The following NPAS3 variants were observed in gnomAD, a reference collection of about 807,000 sequenced individuals.
NPAS3 encodes the protein neuronal PAS domain protein 3, also known as neuronal PAS domain-containing protein 3.
NPAS3 carries 14 observed loss-of-function variants against 73.1 expected under a neutral mutation model. The ratio of observed to expected loss-of-function variants is 0.19; its 90% CI spans 0.13 to 0.30. The LOEUF (loss-of-function observed/expected upper bound fraction) is 0.30, where lower values mean the gene tolerates loss of function less well. Among genes scored for constraint, NPAS3 ranks in the 10% least tolerant of loss-of-function variants. The probability of loss-of-function intolerance (pLI) is 1.00; values close to 1 mark genes in which losing one functional copy is unlikely to be tolerated. For missense variants in NPAS3, 1,096 were observed against 1,250.0 expected (o/e 0.88, Z 1.86); for synonymous variants, 620 against 541.5 (o/e 1.14, Z -2.01).
intron 2 of NPAS3, among the ~76,000 whole-genome samples, chr14:33,073,441 A>G (rs1365661590): frequency 6.6e-6 from 1 of 152,150 alleles, no homozygotes; most frequent in Non-Finnish European, 1.5e-5. Context: ...GGGCAAGGAG[A>G]TAGAGGGTGG....
intron 2 of NPAS3, among the ~76,000 whole-genome samples, chr14:33,084,705 C>A (rs113400649): frequency 3.9e-5 from 6 of 151,988 alleles, no homozygotes; most frequent in Non-Finnish European, 7.4e-5. Flanking sequence ...GAGGGGAGAC[C>A]CTTGAGGTTA....
At chr14:33,570,654 C>T (rs1027333531) in intron 5 of NPAS3, among the ~76,000 whole-genome samples, 2 of 152,170 alleles carry the variant, frequency 1.3e-5, no homozygotes, top group East Asian at 1.9e-4. Context: ...TACTGGGACT[C>T]ATTCAGCTCT....
intron 2 of NPAS3, among the ~76,000 whole-genome samples, chr14:33,159,774 C>G (rs889517648): frequency 3.9e-5 from 6 of 152,058 alleles, no homozygotes; most frequent in African/African-American, 1.4e-4. Flanking sequence ...AGGATGGTCT[C>G]AATGTCCTGA....
chr14:33,074,351 T>C (rs2041585681), intron 2 of NPAS3, among the ~76,000 whole-genome samples: 1 of 152,240 alleles, frequency 6.6e-6, no homozygotes, highest in Non-Finnish European at 1.5e-5. Flanking sequence ...GAATGCTGCC[T>C]GTGCATTAAG....
At chr14:33,656,345 C>A (rs79723805) in intron 5 of NPAS3, among the ~76,000 whole-genome samples, 1 of 152,216 alleles carries the variant, frequency 6.6e-6, no homozygotes, top group East Asian at 1.9e-4. Context: ...CTAACATATG[C>A]CAGTCACATT....
At chr14:33,722,362 G>T (rs373407813) in intron 6 of NPAS3, among the ~76,000 whole-genome samples, 41 of 152,238 alleles carry the variant, frequency 2.7e-4, no homozygotes, top group Middle Eastern at 3.4e-3. Context: ...TTAAGGAAAG[G>T]GGGGGTAATT....
chr14:33,215,085 AT>A (rs2047170658), intron 2 of NPAS3, 96 bp from the exon 3 acceptor site: 3 of 1,319,468 alleles, frequency 2.3e-6, no homozygotes, highest in Non-Finnish European at 3.2e-6. Flanking sequence ...TTTTGGTAGA[AT>A]TTTGGTGGGA....
intron 2 of NPAS3, among the ~76,000 whole-genome samples, chr14:33,167,744 A>G (rs2045218987): frequency 6.6e-6 from 1 of 152,230 alleles, no homozygotes; most frequent in African/African-American, 2.4e-5. Context: ...CCACATAATA[A>G]TAAGAGATAC....
At chr14:33,363,610 G>T (rs1226963651) in intron 3 of NPAS3, among the ~76,000 whole-genome samples, 1 of 152,156 alleles carries the variant, frequency 6.6e-6, no homozygotes, top group African/African-American at 2.4e-5. Flanking sequence ...AAATAGTAGA[G>T]TTGTGGTGTG....
At chr14:33,371,482 C>T (rs1323378248) in intron 4 of NPAS3, among the ~76,000 whole-genome samples, 1 of 152,110 alleles carries the variant, frequency 6.6e-6, no homozygotes, top group Non-Finnish European at 1.5e-5. Context: ...AACTCTTGGC[C>T]AATTATATGC....
chr14:33,155,391 G>C (rs972059257), intron 2 of NPAS3, among the ~76,000 whole-genome samples: 64 of 152,122 alleles, frequency 4.2e-4, no homozygotes, highest in African/African-American at 1.4e-3. Flanking sequence ...AATAATTTGA[G>C]GATTTTTGGG....
intron 3 of NPAS3, among the ~76,000 whole-genome samples, chr14:33,288,179 C>T (rs2041955323): frequency 6.6e-6 from 1 of 152,154 alleles, no homozygotes; most frequent in Admixed American, 6.5e-5. Flanking sequence ...AGGGCCAGGT[C>T]TGCCAAGTCC....
chr14:33,313,873 T>C (rs1019261669), intron 3 of NPAS3, among the ~76,000 whole-genome samples: 1 of 152,066 alleles, frequency 6.6e-6, no homozygotes, highest in African/African-American at 2.4e-5. Context: ...GTCACACTGC[T>C]AAGTGTTTTT....
chr14:33,089,901 C>T (rs910226490), intron 2 of NPAS3, among the ~76,000 whole-genome samples: 3 of 152,144 alleles, frequency 2.0e-5, no homozygotes, highest in Non-Finnish European at 4.4e-5. Flanking sequence ...CCAAACTAAG[C>T]TTCATAAGTG....
At chr14:33,377,255 G>C (rs1383921315) in intron 4 of NPAS3, among the ~76,000 whole-genome samples, 1 of 152,146 alleles carries the variant, frequency 6.6e-6, no homozygotes, top group Non-Finnish European at 1.5e-5. Flanking sequence ...AACTGAAAAA[G>C]AGAGAGTTTA....
chr14:33,026,059 C>G (rs2039790210), intron 1 of NPAS3, among the ~76,000 whole-genome samples: 1 of 152,164 alleles, frequency 6.6e-6, no homozygotes, highest in Admixed American at 6.5e-5. Flanking sequence ...CAATAGCAGC[C>G]TCTTCTCTTG....
intron 9 of NPAS3, among the ~76,000 whole-genome samples, chr14:33,788,427 C>T (rs554864944): frequency 6.6e-6 from 1 of 152,188 alleles, no homozygotes; most frequent in Non-Finnish European, 1.5e-5. Context: ...TACCTGAATG[C>T]ACCATGTCTT....
chr14:32,938,819 GCGCGGCCGCCTCCCCCCGCCGC>G (rs2035820545), upstream of NPAS3, among the ~76,000 whole-genome samples: 1 of 146,438 alleles, frequency 6.8e-6, no homozygotes, highest in Admixed American at 6.8e-5. Flanking sequence ...CCGCGGGACC[GCGCGGCCGCCTCCCCCCGCCGC>G]CGCCGCCGCC....
At chr14:33,730,208 T>A (rs1351670102) in intron 6 of NPAS3, among the ~76,000 whole-genome samples, 1 of 152,102 alleles carries the variant, frequency 6.6e-6, no homozygotes, top group Non-Finnish European at 1.5e-5. Context: ...CAAAAGAGAT[T>A]AAATGGAGAT....
Sources: gnomAD v4.1 joint callset for allele counts (sites outside exome capture counted in the v4.1 genomes callset) on GRCh38, gnomAD v4.1.1 for gene constraint, MANE v1.5 for transcripts, NCBI Gene and HGNC (gene_info 2026-07-23, HGNC 2026-07-21) for gene names.